Variants in MAGI2 observed in about 807,000 individuals in gnomAD.
MAGI2 encodes the protein membrane-associated guanylate kinase, WW and PDZ domain-containing protein 2.
MAGI2 carries 35 observed loss-of-function variants against 133.3 expected under a neutral mutation model. The observed-to-expected ratio is 0.26, with a 90% CI of 0.20 to 0.35. The LOEUF (loss-of-function observed/expected upper bound fraction) is 0.35, where lower values mean the gene tolerates loss of function less well. Among genes scored for constraint, MAGI2 ranks in the 10% least tolerant of loss-of-function variants. The pLI is 1.00. For synonymous variants in MAGI2, 729 were observed against 710.6 expected, an observed-to-expected ratio of 1.03 and a Z score of -0.41; for missense variants, 1,636 against 1,863.4, an observed-to-expected ratio of 0.88 and a Z score of 2.25.
At chr7:79,422,304 A>AT (rs1281660514) in intron 1 of MAGI2, among the ~76,000 whole-genome samples, 2 of 151,938 alleles carry the variant, frequency 1.3e-5, no homozygotes, top group Non-Finnish European at 2.9e-5. Context: ...GCAGGGCAGG[A>AT]TTTTTGTTTG....
intron 1 of MAGI2, among the ~76,000 whole-genome samples, chr7:79,254,398 T>C (rs959139526): frequency 2.0e-5 from 3 of 152,220 alleles, no homozygotes; most frequent in Admixed American, 6.5e-5. Flanking sequence ...TTTTCCTTTA[T>C]AGCCTCCAAA....
At chr7:78,803,909 C>T (rs1358972169) in intron 2 of MAGI2, among the ~76,000 whole-genome samples, 3 of 152,092 alleles carry the variant, frequency 2.0e-5, no homozygotes, top group East Asian at 1.9e-4. Context: ...AGCTGGGACA[C>T]GGAATAAGAA....
At chr7:79,149,055 A>G (rs1413623846) in intron 1 of MAGI2, among the ~76,000 whole-genome samples, 3 of 144,322 alleles carry the variant, frequency 2.1e-5, no homozygotes, top group African/African-American at 7.6e-5. Context: ...TATATATAAT[A>G]TAATATAATA....
intron 2 of MAGI2, among the ~76,000 whole-genome samples, chr7:78,701,797 C>T (rs558823086): frequency 2.0e-5 from 3 of 152,058 alleles, no homozygotes; most frequent in Admixed American, 6.6e-5. Flanking sequence ...AGTTAAAAGG[C>T]TTTCTTATAA....
intron 20 of MAGI2, among the ~76,000 whole-genome samples, chr7:78,109,313 A>AAAAAAAAAAAAAAAAAAAAAAG (rs1819087240): frequency 8.7e-6 from 1 of 115,176 alleles, no homozygotes; most frequent in Non-Finnish European, 1.7e-5. Context: ...CAAAAAAAAA[A>AAAAAAAAAAAAAAAAAAAAAAG]AAAAAAAAAA....
At chr7:78,678,720 C>A (rs1815314443) in intron 2 of MAGI2, among the ~76,000 whole-genome samples, 1 of 152,092 alleles carries the variant, frequency 6.6e-6, no homozygotes, top group Non-Finnish European at 1.5e-5. Flanking sequence ...TCCTACCAAT[C>A]ACAGGACAGC....
intron 1 of MAGI2, among the ~76,000 whole-genome samples, chr7:79,292,131 C>T (rs1045236799): frequency 6.6e-6 from 1 of 152,042 alleles, no homozygotes; most frequent in Non-Finnish European, 1.5e-5. Flanking sequence ...ATGTGGAAAT[C>T]CAGTTATTTC....
At chr7:79,406,183 C>G (rs906424400) in intron 1 of MAGI2, among the ~76,000 whole-genome samples, 1 of 151,858 alleles carries the variant, frequency 6.6e-6, no homozygotes, top group African/African-American at 2.4e-5. Flanking sequence ...CCCTATTTAA[C>G]AGATTTAAAT....
intron 1 of MAGI2, among the ~76,000 whole-genome samples, chr7:79,349,060 T>C (rs1841514429): frequency 6.6e-6 from 1 of 152,028 alleles, no homozygotes; most frequent in South Asian, 2.1e-4. Flanking sequence ...ATTCACTTTC[T>C]ATGTAGTATA....
intron 2 of MAGI2, among the ~76,000 whole-genome samples, chr7:78,816,673 A>C (rs1439796499): frequency 6.6e-6 from 1 of 152,222 alleles, no homozygotes; most frequent in Non-Finnish European, 1.5e-5. Context: ...ATGACAGCAC[A>C]TCTTTTTACA....
chr7:78,665,007 C>A (rs1027168766), intron 2 of MAGI2, among the ~76,000 whole-genome samples: 1 of 152,006 alleles, frequency 6.6e-6, no homozygotes, highest in African/African-American at 2.4e-5. Flanking sequence ...TTGTTATAAG[C>A]ATGATTTTGG....
intron 2 of MAGI2, among the ~76,000 whole-genome samples, chr7:78,682,302 C>A (rs537648039): frequency 6.0e-5 from 9 of 151,202 alleles, no homozygotes; most frequent in Non-Finnish European, 1.3e-4. Context: ...TATACGTGTG[C>A]CATGGTGGTT....
rs532247929 is a variant in MAGI2 at position 79,136,032 on chromosome 7, A to G, written c.302-128826T>C. ...AAGAAAGAAAGAAAGAAAGAAGGAAAGAAAGAAAGAAAGAAGGAAAGAAAG... is the reference window on the plus strand; with the variant it reads ...AAGAAAGAAAGAAAGAAAGAAGGAAGGAAAGAAAGAAAGAAGGAAAGAAAG... On this transcript the variant is annotated intron_variant, in intron 1 of 21. Coordinates refer to ENST00000354212, the MANE Select transcript of MAGI2 (RefSeq NM_012301.4). Among the ~76,000 whole-genome samples, 110 of 136,088 alleles carry G rather than the reference A, an allele frequency of 8.1e-4. 2 individuals are homozygous for G. The highest frequency in any genetic ancestry group is 5.4e-3 in the East Asian group (25 of 4,668). The allele number at this position is 136,088 out of a possible 152,430, so 89.3% of individuals were successfully genotyped here. A position where few individuals can be genotyped will look rare whatever the true frequency, so the allele number is the denominator to read the frequency against.
At chr7:79,055,597 A>T (rs1226164475) in intron 1 of MAGI2, among the ~76,000 whole-genome samples, 1 of 151,970 alleles carries the variant, frequency 6.6e-6, no homozygotes, top group Non-Finnish European at 1.5e-5. Flanking sequence ...TTATTTATTT[A>T]TTGTATACAA....
At chr7:79,257,968 C>A (rs1833814518) in intron 1 of MAGI2, among the ~76,000 whole-genome samples, 1 of 152,166 alleles carries the variant, frequency 6.6e-6, no homozygotes, top group African/African-American at 2.4e-5. Context: ...TAAGATTAAT[C>A]AGCTCCTTAA....
At chr7:78,887,765 G>A (rs945984326) in intron 2 of MAGI2, among the ~76,000 whole-genome samples, 26 of 152,218 alleles carry the variant, frequency 1.7e-4, no homozygotes, top group African/African-American at 5.1e-4. Flanking sequence ...CAAGATGGCC[G>A]AATACGAACA....
intron 1 of MAGI2, among the ~76,000 whole-genome samples, chr7:79,384,470 G>T (rs915504802): frequency 6.8e-6 from 1 of 146,892 alleles, no homozygotes. Context: ...AAATAACTTA[G>T]ATCATTTGCT....
intron 1 of MAGI2, among the ~76,000 whole-genome samples, chr7:79,291,967 T>A (rs1836521828): frequency 6.6e-6 from 1 of 152,192 alleles, no homozygotes; most frequent in African/African-American, 2.4e-5. Context: ...CTGTCATGAT[T>A]AAGAAATTTT....
At chr7:79,348,965 C>T (rs1209241545) in intron 1 of MAGI2, among the ~76,000 whole-genome samples, 1 of 151,902 alleles carries the variant, frequency 6.6e-6, no homozygotes, top group Non-Finnish European at 1.5e-5. Context: ...TTACTTTTGA[C>T]AAATATTCAG....
Sources: gnomAD v4.1 joint callset for allele counts (sites outside exome capture counted in the v4.1 genomes callset) on GRCh38, gnomAD v4.1.1 for gene constraint, MANE v1.5 for transcripts, NCBI Gene and HGNC (gene_info 2026-07-23, HGNC 2026-07-21) for gene names.